The following HYDIN variants were observed in gnomAD, a reference collection of about 807,000 sequenced individuals.
HYDIN encodes axonemal central pair apparatus protein HYDIN.
HYDIN carries 132 observed loss-of-function variants against 403.9 expected under a neutral mutation model. That is an observed-to-expected ratio of 0.33 (90% CI 0.28 to 0.38). HYDIN has a LOEUF of 0.38. Among genes scored for constraint, HYDIN ranks in the 10% least tolerant of loss-of-function variants. HYDIN has a pLI of 1.00. For missense variants in HYDIN, 2,827 were observed against 5,009.5 expected, an observed-to-expected ratio of 0.56 and a Z score of 13.15; for synonymous variants, 1,202 against 1,891.7, an observed-to-expected ratio of 0.64 and a Z score of 9.46.
intron 10 of HYDIN, among the ~76,000 whole-genome samples, chr16:71,115,272 C>T (rs1437839349): frequency 1.3e-5 from 2 of 152,180 alleles, no homozygotes; most frequent in Non-Finnish European, 2.9e-5. Context: ...CTTTACTCGG[C>T]ACTTCTCCCT....
At chr16:71,202,773 C>A (rs151041922) in intron 1 of HYDIN, among the ~76,000 whole-genome samples, 146 of 152,302 alleles carry the variant, frequency 9.6e-4, no homozygotes, top group African/African-American at 3.3e-3. Flanking sequence ...TCTTTAACTG[C>A]TCCTAACCCT....
At chr16:71,058,790 C>T (rs1251140623) in intron 18 of HYDIN, among the ~76,000 whole-genome samples, 1 of 151,984 alleles carries the variant, frequency 6.6e-6, no homozygotes, top group Non-Finnish European at 1.5e-5. Flanking sequence ...CATCAGTCCA[C>T]TTTTATGTGG....
chr16:71,038,049 C>G (rs2081152515), intron 18 of HYDIN, among the ~76,000 whole-genome samples: 3 of 152,196 alleles, frequency 2.0e-5, no homozygotes, highest in Admixed American at 2.0e-4. Flanking sequence ...CCATAGCTGC[C>G]TTTGCTTTTT....
intron 6 of HYDIN, among the ~76,000 whole-genome samples, chr16:71,154,628 A>T (rs2085684323): frequency 1.6e-5 from 2 of 124,362 alleles, no homozygotes; most frequent in African/African-American, 3.3e-5. Flanking sequence ...TTTGATTTTT[A>T]GATCCCATGA....
chr16:71,126,926 T>C (rs1225804807), intron 9 of HYDIN, among the ~76,000 whole-genome samples: 5 of 152,114 alleles, frequency 3.3e-5, no homozygotes, highest in Non-Finnish European at 5.9e-5. Flanking sequence ...AAAAGCACCC[T>C]TGGCTTGCAT....
intron 31 of HYDIN, 122 bp downstream of exon 31, chr16:70,975,014 G>T (rs568741034): frequency 3.3e-4 from 179 of 537,438 alleles, no homozygotes; most frequent in African/African-American, 3.2e-3. Flanking sequence ...GAGGAGAGTG[G>T]ATTTCATTGC....
chr16:71,061,860 CAG>C (rs2082092013), intron 17 of HYDIN, among the ~76,000 whole-genome samples: 1 of 50,168 alleles, frequency 2.0e-5, no homozygotes, highest in Admixed American at 2.5e-4. Flanking sequence ...GCATGTGTGA[CAG>C]TGTGTGTGTG....
chr16:71,089,729 G>A (rs1012842311), intron 11 of HYDIN, among the ~76,000 whole-genome samples: 7 of 152,224 alleles, frequency 4.6e-5, no homozygotes, highest in Non-Finnish European at 7.3e-5. Flanking sequence ...AATTGAGTGG[G>A]TGTACAGGAA....
At chr16:71,139,095 G>GAAAAAAAAAAAAAAA (rs71758936) in intron 7 of HYDIN, among the ~76,000 whole-genome samples, 4 of 103,808 alleles carry the variant, frequency 3.9e-5, no homozygotes, top group Non-Finnish European at 3.6e-5. Context: ...AAATAAAGAA[G>GAAAAAAAAAAAAAAA]AAAAAAAAAA....
At position 70,998,841 on chromosome 16, in the gene HYDIN, G is replaced by A. The variant is rs557633501; in HGVS notation, c.3645-6631C>T. Among the ~76,000 whole-genome samples, 22 of 151,902 alleles carry A rather than the reference G, an allele frequency of 1.4e-4. No homozygotes were observed. The South Asian group carries it at 4.6e-3, about 32-fold the overall frequency. ...CTAGATTTGTGGTCCTACACTTGCTGATCATCCTACATTGGGAAGCAAATG... is the reference window on the plus strand; with the variant it reads ...CTAGATTTGTGGTCCTACACTTGCTAATCATCCTACATTGGGAAGCAAATG... On this transcript the variant is annotated intron_variant, in intron 23 of 85. Transcript: ENST00000393567.
intron 1 of HYDIN, among the ~76,000 whole-genome samples, chr16:71,194,246 A>G (rs2087579761): frequency 6.6e-6 from 1 of 151,994 alleles, no homozygotes; most frequent in African/African-American, 2.4e-5. Context: ...CCCCATCTCT[A>G]CTAAAAATAC....
At chr16:70,897,961 G>T (rs2076253796) in intron 53 of HYDIN, among the ~76,000 whole-genome samples, 1 of 151,168 alleles carries the variant, frequency 6.6e-6, no homozygotes, top group African/African-American at 2.4e-5. Context: ...TTGAGCTCAG[G>T]AGTTTGGGAC....
chr16:71,016,979 G>A (rs1007201881), intron 23 of HYDIN, among the ~76,000 whole-genome samples: 1 of 151,240 alleles, frequency 6.6e-6, no homozygotes, highest in Non-Finnish European at 1.5e-5. Flanking sequence ...ATTGGATCAC[G>A]CAGGTGGTTT....
intron 3 of HYDIN, among the ~76,000 whole-genome samples, chr16:71,183,216 A>C (rs1597971772): frequency 6.6e-6 from 1 of 152,204 alleles, no homozygotes; most frequent in South Asian, 2.1e-4. Flanking sequence ...TAAAAAATGA[A>C]GCATAAAAGA....
At chr16:70,971,052 T>G (rs996601052) in intron 35 of HYDIN, among the ~76,000 whole-genome samples, 1 of 152,188 alleles carries the variant, frequency 6.6e-6, no homozygotes, top group Non-Finnish European at 1.5e-5. Flanking sequence ...CACTTTCACA[T>G]CCCTCAAATC....
At chr16:71,161,546 T>C (rs1225824356) in intron 6 of HYDIN, among the ~76,000 whole-genome samples, 3 of 152,192 alleles carry the variant, frequency 2.0e-5, no homozygotes, top group Non-Finnish European at 2.9e-5. Flanking sequence ...ATGTGACCTC[T>C]CTATCCCTCG....
intron 3 of HYDIN, among the ~76,000 whole-genome samples, chr16:71,181,291 C>T (rs1052998405): frequency 6.6e-6 from 1 of 150,556 alleles, no homozygotes; most frequent in Non-Finnish European, 1.5e-5. Flanking sequence ...AAGATACATT[C>T]GAAGAACAAG....
rs1223864794 is a variant in HYDIN, at chr16:70,810,005, G to A, written c.14661C>T (p.Gly4887=). ...GGGGCTGAAATTCAAATGAGAACGT[G>A]CCCTGGAAGAGAAAACAGAGGATCC... is the stretch of plus-strand genomic sequence containing the variant. ...SQFVVPANSE[G]TFSFEFQPLK... Residue 4887 remains glycine (G), a splice_region_variant and synonymous_variant, in exon 85 of 86, where the codon GGC becomes GGT. Coordinates refer to ENST00000393567, the MANE Select transcript of HYDIN (RefSeq NM_001270974.2). 6.2e-7 allele frequency: 1 copy of A among 1,613,768 alleles called. No individual in the cohort carries two copies. The highest frequency in any genetic ancestry group is 8.5e-7 in the Non-Finnish European group (1 of 1,179,818).
intron 23 of HYDIN, among the ~76,000 whole-genome samples, chr16:71,002,430 T>A (rs1055278213): frequency 1.3e-5 from 2 of 151,690 alleles, no homozygotes; most frequent in African/African-American, 4.8e-5. Context: ...TGTGTGTCTG[T>A]CATCCCAGCT....
Sources: allele counts gnomAD v4.1 joint callset (sites outside exome capture counted in the v4.1 genomes callset), GRCh38; gene constraint gnomAD v4.1.1; transcripts MANE v1.5; gene names NCBI Gene and HGNC (gene_info 2026-07-23, HGNC 2026-07-21).